Variants in PPP3CC observed in about 807,000 individuals in gnomAD.
PPP3CC encodes protein phosphatase 3 catalytic subunit gamma.
In PPP3CC, 35 loss-of-function variants were observed where a neutral mutation model predicts 60.3. That is an observed-to-expected ratio of 0.58 (90% CI 0.44 to 0.77). The LOEUF is 0.77. PPP3CC is among the 30% of genes least tolerant of loss of function. The probability of loss-of-function intolerance (pLI) is 0.00; values close to 1 mark genes in which losing one functional copy is unlikely to be tolerated. For missense variants in PPP3CC, 570 were observed against 628.9 expected, an observed-to-expected ratio of 0.91 and a Z score of 1.00; for synonymous variants, 206 against 224.3, an observed-to-expected ratio of 0.92 and a Z score of 0.73.
intron 1 of PPP3CC, among the ~76,000 whole-genome samples, chr8:22,453,014 A>G (rs1377526378): frequency 6.6e-6 from 1 of 152,234 alleles, no homozygotes; most frequent in Non-Finnish European, 1.5e-5. Flanking sequence ...AGTATGTGCA[A>G]GCATAAGAAG....
intron 1 of PPP3CC, among the ~76,000 whole-genome samples, chr8:22,469,039 T>G (rs1479076379): frequency 6.6e-6 from 1 of 152,168 alleles, no homozygotes; most frequent in African/African-American, 2.4e-5. Context: ...ATCAACATGT[T>G]TATTGCAGTA....
intron 1 of PPP3CC, among the ~76,000 whole-genome samples, chr8:22,442,802 T>C (rs1434728188): frequency 1.3e-5 from 2 of 152,216 alleles, no homozygotes; most frequent in African/African-American, 4.8e-5. Flanking sequence ...ATTATGTACA[T>C]TAATTTCTGT....
intron 3 of PPP3CC, chr8:22,492,943 G>A: frequency 8.0e-7 from 1 of 1,255,228 alleles, no homozygotes; most frequent in Non-Finnish European, 1.2e-6. Flanking sequence ...GGTGCACACT[G>A]TCTGACTAGT....
At chr8:22,510,182 C>CAAAA (rs71546815) in intron 4 of PPP3CC, among the ~76,000 whole-genome samples, 2 of 88,246 alleles carry the variant, frequency 2.3e-5, no homozygotes, top group East Asian at 3.4e-4. Flanking sequence ...GACTCCGTCT[C>CAAAA]AAAAAAAAAA....
chr8:22,526,919 A>C (rs904891220), intron 8 of PPP3CC, among the ~76,000 whole-genome samples: 29 of 152,228 alleles, frequency 1.9e-4, no homozygotes, highest in Non-Finnish European at 3.8e-4. Flanking sequence ...TGTATCTTCC[A>C]GTATGAGTTG....
rs146998874 is a variant in PPP3CC, at chr8:22,512,255, C to A, written c.630+1024C>A. The stretch of plus-strand genomic sequence containing the variant: ...AAGAGGGTGTACCTATATGTACTGG[C>A]TTTCCTCTTGCCTTACTGTCTTTTA... On this transcript the variant is annotated intron_variant, in intron 5 of 13. Transcript: ENST00000240139. 9.9e-3 allele frequency among the ~76,000 whole-genome samples: 1,513 copies of A among 152,330 alleles called. 32 individuals carry two copies. The highest frequency in any genetic ancestry group is 0.035 in the African/African-American group (1,445 of 41,574).
Position 22,474,950 on chromosome 8 carries a change from G to T in PPP3CC, c.50-4G>T. 2 of 1,492,672 alleles carry T rather than the reference G, an allele frequency of 1.3e-6. No individual in the cohort carries two copies. The highest frequency in any genetic ancestry group is 1.8e-6 in the Non-Finnish European group (2 of 1,113,102). The allele number at this position is 1,492,672 out of a possible 1,614,324, so 92.5% of individuals were successfully genotyped here. A position where few individuals can be genotyped will look rare whatever the true frequency, so the allele number is the denominator to read the frequency against. The stretch of plus-strand genomic sequence containing the variant: ...TTTAAATTATTATTATTATTTTTTT[G>T]TAGCTGTCCCCTTTCCTCCAACCCA... On this transcript the variant is annotated splice_polypyrimidine_tract_variant and splice_region_variant and intron_variant, in intron 1 of 13. Coordinates refer to ENST00000240139, the MANE Select transcript of PPP3CC (RefSeq NM_005605.5).
chr8:22,533,260 C>T (rs988706343), intron 12 of PPP3CC, among the ~76,000 whole-genome samples: 1 of 152,140 alleles, frequency 6.6e-6, no homozygotes, highest in Non-Finnish European at 1.5e-5. Flanking sequence ...AGAGTAGACA[C>T]TGGGGTAGAC....
At chr8:22,463,318 A>G (rs1221259934) in intron 1 of PPP3CC, among the ~76,000 whole-genome samples, 1 of 152,242 alleles carries the variant, frequency 6.6e-6, no homozygotes, top group Non-Finnish European at 1.5e-5. Flanking sequence ...GTCCATGGCA[A>G]TGATGTCGGC....
intron 4 of PPP3CC, among the ~76,000 whole-genome samples, chr8:22,508,793 A>T (rs1838999534): frequency 6.6e-6 from 1 of 152,210 alleles, no homozygotes; most frequent in African/African-American, 2.4e-5. Context: ...CAAATTAAAG[A>T]GTTTTCTGTT....
At position 22,475,058 on chromosome 8, in the gene PPP3CC, C is replaced by G. The variant is rs560532505; in HGVS notation, c.154C>G (p.Leu52Val). Residue 52 changes from leucine (L) to valine (V), a missense_variant, in exon 2 of 14, where the codon CTG becomes GTG. Transcript: ENST00000240139. ...AAACCATTTGGTAAAGGAAGGACGACTGGAAGAGGAAGTAGCCTTAAAGAT... is the reference window on the plus strand; with the variant it reads ...AAACCATTTGGTAAAGGAAGGACGAGTGGAAGAGGAAGTAGCCTTAAAGAT... ...LKNHLVKEGRLEEEVALKIIN... is the reference protein window; with the variant it reads ...LKNHLVKEGRVEEEVALKIIN... 6.6e-5 allele frequency: 107 copies of G among 1,613,434 alleles called. 1 individual carries two copies. In the South Asian group the frequency reaches 1.1e-3, roughly 17 times the overall value.
chr8:22,485,206 C>T (rs1219013712), intron 3 of PPP3CC, among the ~76,000 whole-genome samples: 1 of 152,054 alleles, frequency 6.6e-6, no homozygotes, highest in African/African-American at 2.4e-5. Flanking sequence ...ACACAAAAAC[C>T]AATTAAATAT....
chr8:22,507,348 CTG>C (rs1050940521), intron 4 of PPP3CC, among the ~76,000 whole-genome samples: 10 of 152,084 alleles, frequency 6.6e-5, no homozygotes, highest in Admixed American at 2.0e-4. Flanking sequence ...ATAGAAATAA[CTG>C]TTTTATGGGA....
At chr8:22,454,698 T>G (rs897411066) in intron 1 of PPP3CC, among the ~76,000 whole-genome samples, 2 of 152,182 alleles carry the variant, frequency 1.3e-5, no homozygotes, top group South Asian at 4.1e-4. Flanking sequence ...AGGATCTCTG[T>G]CATATATATA....
rs183024799 is a variant in PPP3CC at position 22,481,068 on chromosome 8, C to T, written c.372+5444C>T. On this transcript the variant is annotated intron_variant, in intron 3 of 13. Coordinates refer to ENST00000240139, the MANE Select transcript of PPP3CC (RefSeq NM_005605.5). ...ATGGTCATTTGGCTGTGCGCAGTGG[C>T]TCATGCCTGTAATCCCACACTTGGG... 1.1e-3 allele frequency among the ~76,000 whole-genome samples: 169 copies of T among 152,290 alleles called. 1 individual carries two copies. The highest frequency in any genetic ancestry group is 6.8e-3 in the Middle Eastern group (2 of 294).
intron 4 of PPP3CC, among the ~76,000 whole-genome samples, chr8:22,499,636 T>G (rs188651713): frequency 1.3e-5 from 2 of 152,330 alleles, no homozygotes; most frequent in Admixed American, 1.3e-4. Context: ...CTAGTACTCA[T>G]AATTGGCTGC....
At chr8:22,454,948 C>G (rs1837149721) in intron 1 of PPP3CC, among the ~76,000 whole-genome samples, 1 of 150,366 alleles carries the variant, frequency 6.7e-6, no homozygotes, top group African/African-American at 2.4e-5. Context: ...CCCAGCTACT[C>G]GGGAGGCTAA....
At chr8:22,473,988 A>G (rs1370772077) in intron 1 of PPP3CC, among the ~76,000 whole-genome samples, 3 of 151,884 alleles carry the variant, frequency 2.0e-5, no homozygotes, top group Non-Finnish European at 1.5e-5. Flanking sequence ...TCTGCCTCCC[A>G]CGTTCAAGCG....
chr8:22,531,586 T>G (rs1839718148), intron 10 of PPP3CC, among the ~76,000 whole-genome samples: 1 of 152,230 alleles, frequency 6.6e-6, no homozygotes, highest in South Asian at 2.1e-4. Context: ...CCTTGGCTTC[T>G]CATGTGTGGG....
Sources: gnomAD v4.1 joint callset for allele counts (sites outside exome capture counted in the v4.1 genomes callset) on GRCh38, gnomAD v4.1.1 for gene constraint, MANE v1.5 for transcripts, NCBI Gene and HGNC (gene_info 2026-07-23, HGNC 2026-07-21) for gene names.